TLL2: variants seen among roughly 807,000 people sequenced by gnomAD.
The protein encoded by TLL2 is tolloid-like protein 2.
A neutral mutation model predicts 123.0 loss-of-function variants in TLL2; 106 were observed. The observed-to-expected ratio is 0.86, with a 90% CI of 0.74 to 1.01. The LOEUF is 1.01. Among genes scored for constraint, TLL2 ranks in the 50% least tolerant of loss-of-function variants. The probability of loss-of-function intolerance (pLI) is 0.00; values close to 1 mark genes in which losing one functional copy is unlikely to be tolerated. For missense variants in TLL2, 1,332 were observed against 1,336.7 expected (o/e 1.00, Z 0.06); for synonymous variants, 494 against 516.8 (o/e 0.96, Z 0.60).
At chr10:96,386,387 T>C (rs1846235197) in intron 14 of TLL2, among the ~76,000 whole-genome samples, 172 bp from the exon 15 acceptor site, 1 of 152,264 alleles carries the variant, frequency 6.6e-6, no homozygotes, top group African/African-American at 2.4e-5. Flanking sequence ...AACTGAATAT[T>C]TGAAGGAACA....
rs1846490863 is a variant in TLL2 at position 96,410,508 on chromosome 10, T to C, written c.1049-34A>G. 2.6e-6 allele frequency: 4 copies of C among 1,560,510 alleles called. No homozygotes were observed. In the African/African-American group the frequency reaches 4.1e-5, roughly 16 times the overall value. ...GCAAAATCACAACTGTGATGTGGCA[T>C]ATGCACCTCTCCCCGCCCAAGCAGC... is the stretch of plus-strand genomic sequence containing the variant. On this transcript the variant is annotated intron_variant, in intron 8 of 20. Transcript: ENST00000357947.
At chr10:96,472,802 A>G (rs1228619568) in intron 2 of TLL2, among the ~76,000 whole-genome samples, 1 of 152,168 alleles carries the variant, frequency 6.6e-6, no homozygotes, top group Non-Finnish European at 1.5e-5. Flanking sequence ...TATGCTGGGA[A>G]CAGAAACATG....
rs189021137 is a variant in TLL2 at position 96,512,313 on chromosome 10, C to T, written c.175+1198G>A. On this transcript the variant is annotated intron_variant, in intron 1 of 20. Coordinates refer to ENST00000357947, the MANE Select transcript of TLL2 (RefSeq NM_012465.4). ...AAACAATAAAAAATAACGACAATGC[C>T]ATCATTTCACTTGCAGAGAATTTTC... 4.3e-3 allele frequency among the ~76,000 whole-genome samples: 656 copies of T among 152,328 alleles called. 2 individuals carry two copies. The highest frequency in any genetic ancestry group is 7.8e-3 in the Non-Finnish European group (533 of 68,032).
At chr10:96,445,967 C>A in intron 3 of TLL2, 124 bp downstream of exon 3, 2 of 962,538 alleles carry the variant, frequency 2.1e-6, no homozygotes, top group Non-Finnish European at 1.6e-6. Flanking sequence ...GGTTACATAG[C>A]ATTGTGAATG....
At chr10:96,418,052 C>G (rs1436245043) in intron 7 of TLL2, among the ~76,000 whole-genome samples, 1 of 152,156 alleles carries the variant, frequency 6.6e-6, no homozygotes, top group African/African-American at 2.4e-5. Flanking sequence ...CTGCTGATCT[C>G]CCTCCTAGAG....
intron 19 of TLL2, among the ~76,000 whole-genome samples, chr10:96,371,501 C>T (rs1244816003): frequency 3.3e-5 from 5 of 152,238 alleles, no homozygotes; most frequent in Non-Finnish European, 5.9e-5. Context: ...CCTAACACTC[C>T]TAGGCCCCGC....
intron 1 of TLL2, among the ~76,000 whole-genome samples, chr10:96,505,824 C>T (rs1847572623): frequency 1.3e-5 from 2 of 152,236 alleles, no homozygotes; most frequent in South Asian, 4.1e-4. Flanking sequence ...TTGAGTGCTT[C>T]TGTTTTCTAG....
At chr10:96,492,869 T>G (rs1847428982) in intron 1 of TLL2, among the ~76,000 whole-genome samples, 1 of 152,204 alleles carries the variant, frequency 6.6e-6, no homozygotes, top group Admixed American at 6.5e-5. Flanking sequence ...TGGAGACTGT[T>G]GCACTGCTCC....
chr10:96,415,525 C>G (rs952717984), intron 7 of TLL2, among the ~76,000 whole-genome samples: 12 of 151,516 alleles, frequency 7.9e-5, no homozygotes, highest in African/African-American at 2.9e-4. Flanking sequence ...AAGTAAGTTC[C>G]TCAAGCAGGG....
At chr10:96,375,079 C>T (rs1360145717) in intron 18 of TLL2, among the ~76,000 whole-genome samples, 1 of 151,924 alleles carries the variant, frequency 6.6e-6, no homozygotes, top group African/African-American at 2.4e-5. Context: ...GAATGACTCC[C>T]ACACACTAAC....
chr10:96,370,195 C>T lies in TLL2; in HGVS notation c.2783G>A (p.Gly928Asp), dbSNP rs1233122758. Residue 928 changes from glycine (G) to aspartate (D), a missense_variant, in exon 20 of 21, where the codon GGC becomes GAC. By Grantham distance (94) the Gly-to-Asp change is moderately conservative. Coordinates refer to ENST00000357947, the MANE Select transcript of TLL2 (RefSeq NM_012465.4). ...CCGGAATGTCAGCTCCACGCCGTAG[C>T]CGTCCTCTGCCACGATCACCCAGTC... ...RCDWVIVAEDGYGVELTFRTF... is the reference protein window; with the variant it reads ...RCDWVIVAEDDYGVELTFRTF... The T allele has an allele frequency of 1.9e-6, 3 of 1,613,984 alleles. No individual in the cohort carries two copies. The highest frequency in any genetic ancestry group is 2.5e-6 in the Non-Finnish European group (3 of 1,179,972).
At chr10:96,496,455 C>T (rs958522183) in intron 1 of TLL2, among the ~76,000 whole-genome samples, 7 of 152,056 alleles carry the variant, frequency 4.6e-5, no homozygotes, top group South Asian at 2.1e-4. Context: ...CCTCCACAGC[C>T]GCTCTGAAAG....
At chr10:96,387,543 C>T (rs1319838158) in intron 13 of TLL2, among the ~76,000 whole-genome samples, 2 of 152,128 alleles carry the variant, frequency 1.3e-5, no homozygotes, top group African/African-American at 4.8e-5. Flanking sequence ...ATTCTCTAGA[C>T]ATTAGAGACA....
At chr10:96,469,089 C>T (rs1000364736) in intron 2 of TLL2, among the ~76,000 whole-genome samples, 5 of 152,234 alleles carry the variant, frequency 3.3e-5, no homozygotes, top group Non-Finnish European at 5.9e-5. Flanking sequence ...TGCTGACATC[C>T]CCCTCCTTTC....
intron 7 of TLL2, among the ~76,000 whole-genome samples, chr10:96,420,724 T>A (rs1265305143): frequency 3.3e-5 from 5 of 152,122 alleles, no homozygotes; most frequent in Non-Finnish European, 7.4e-5. Context: ...TTGCTGCTTG[T>A]GACATTAGGG....
At chr10:96,378,536 A>G (rs1846157909) in intron 17 of TLL2, among the ~76,000 whole-genome samples, 1 of 152,244 alleles carries the variant, frequency 6.6e-6, no homozygotes, top group South Asian at 2.1e-4. Context: ...AGGACATAAC[A>G]TGTGTCAGAG....
Position 96,386,940 on chromosome 10 carries a change from G to T in TLL2, c.1852+13C>A. The T allele has an allele frequency of 6.2e-7, 1 of 1,613,972 alleles. No homozygotes were observed. The highest frequency in any genetic ancestry group is 8.5e-7 in the Non-Finnish European group (1 of 1,179,936). On this transcript the variant is annotated intron_variant, in intron 14 of 20. Transcript: ENST00000357947. Reference sequence around the variant, plus strand: ...ATACCCTCTCATTCTAGCTTGGCAGGTCCCACACCAACCTTCACACATCTT... The same window carrying T: ...ATACCCTCTCATTCTAGCTTGGCAGTTCCCACACCAACCTTCACACATCTT...
At chr10:96,465,569 C>T (rs937827329) in intron 2 of TLL2, among the ~76,000 whole-genome samples, 4 of 152,192 alleles carry the variant, frequency 2.6e-5, no homozygotes, top group African/African-American at 9.7e-5. Flanking sequence ...GATCTTCTTC[C>T]AGACTACCCA....
At chr10:96,435,840 T>G (rs767702531) in intron 3 of TLL2, among the ~76,000 whole-genome samples, 4 of 152,256 alleles carry the variant, frequency 2.6e-5, no homozygotes, top group Non-Finnish European at 5.9e-5. Flanking sequence ...ATTAACATTT[T>G]CAAGGCTAAA....
Sources: gnomAD v4.1 joint callset for allele counts (sites outside exome capture counted in the v4.1 genomes callset) on GRCh38, gnomAD v4.1.1 for gene constraint, MANE v1.5 for transcripts, NCBI Gene and HGNC (gene_info 2026-07-23, HGNC 2026-07-21) for gene names.